Variants in GRK3 observed in about 807,000 individuals in gnomAD.
GRK3 encodes the protein G protein-coupled receptor kinase 3, also known as adrenergic, beta, receptor kinase 2.
A neutral mutation model predicts 95.7 loss-of-function variants in GRK3; 54 were observed. The ratio of observed to expected loss-of-function variants is 0.56; its 90% CI spans 0.45 to 0.71. GRK3 has a LOEUF of 0.71. Among genes scored for constraint, GRK3 ranks in the 30% least tolerant of loss-of-function variants. GRK3 has a pLI of 0.00. For synonymous variants in GRK3, 281 were observed against 290.8 expected (o/e 0.97, Z 0.34); for missense variants, 649 against 851.2 (o/e 0.76, Z 2.96).
At chr22:25,719,046 A>G (rs1470425021) in intron 19 of GRK3, among the ~76,000 whole-genome samples, 2 of 152,206 alleles carry the variant, frequency 1.3e-5, no homozygotes, top group African/African-American at 4.8e-5. Context: ...TATATCAGCA[A>G]CTTGAGCATC....
At chr22:25,612,220 C>G (rs1039530572) in intron 2 of GRK3, among the ~76,000 whole-genome samples, 1 of 152,050 alleles carries the variant, frequency 6.6e-6, no homozygotes, top group Non-Finnish European at 1.5e-5. Context: ...TGTTTTAGCT[C>G]TTATATCTTG....
At chr22:25,570,144 T>C (rs1050847854) in intron 1 of GRK3, among the ~76,000 whole-genome samples, 9 of 152,230 alleles carry the variant, frequency 5.9e-5, no homozygotes, top group Non-Finnish European at 1.2e-4. Context: ...CCTCAGAGAC[T>C]GATAGAGAAT....
chr22:25,683,806 C>G (rs1158616335), intron 9 of GRK3, among the ~76,000 whole-genome samples: 1 of 152,104 alleles, frequency 6.6e-6, no homozygotes, highest in African/African-American at 2.4e-5. Flanking sequence ...TATATCTTCT[C>G]CCATCCTGTG....
intron 6 of GRK3, among the ~76,000 whole-genome samples, chr22:25,669,861 G>C (rs1474046602): frequency 6.6e-6 from 1 of 152,206 alleles, no homozygotes; most frequent in Non-Finnish European, 1.5e-5. Flanking sequence ...CTGGACTCCA[G>C]AATCTGTGAG....
chr22:25,565,459 C>T (rs1377239103), intron 1 of GRK3, among the ~76,000 whole-genome samples: 1 of 152,052 alleles, frequency 6.6e-6, no homozygotes, highest in East Asian at 1.9e-4. Flanking sequence ...GTCGCCCCCT[C>T]CCCCCAGCCC....
At position 25,725,459 on chromosome 22, in the gene GRK3, C is replaced by T; in HGVS notation, c.*3009C>T. The T allele has an allele frequency of 2.5e-6, 1 of 397,990 alleles. No homozygotes were observed. Among genetic ancestry groups the T allele is most frequent in the Admixed American group, 4.4e-5 (1 of 22,704 alleles). 24.7% of individuals were successfully genotyped at this position (397,990 alleles called of 1,614,324 possible). ...GTGAATTCAGGTTTATTATTTTTAA[C>T]CTAAAACATTCTCTTTGGTTCATTC... is the stretch of plus-strand genomic sequence containing the variant. On this transcript the variant is annotated 3_prime_UTR_variant, in exon 21 of 21. Transcript: ENST00000324198.
At position 25,622,065 on chromosome 22, in the gene GRK3, T is replaced by A. The variant is rs1690489759; in HGVS notation, c.190+17612T>A. Reference sequence around the variant, plus strand: ...TTTCTTTAAACCCCTCCTCTCTTTGTCAAAATAGCAATAAGATCCCCAGCA... The same window carrying A: ...TTTCTTTAAACCCCTCCTCTCTTTGACAAAATAGCAATAAGATCCCCAGCA... On this transcript the variant is annotated intron_variant, in intron 2 of 20. Transcript: ENST00000324198. Among the ~76,000 whole-genome samples the A allele has an allele frequency of 2.6e-5, 4 of 152,096 alleles. No individual in the cohort carries two copies. The South Asian group carries it at 8.3e-4, about 32-fold the overall frequency.
intron 8 of GRK3, 43 bp from the exon 9 acceptor site, chr22:25,678,773 A>G (rs3730108): frequency 1.3e-4 from 160 of 1,195,994 alleles, no homozygotes; most frequent in Non-Finnish European, 1.9e-4. Context: ...ATTAGTCTAG[A>G]TATATTTACG....
chr22:25,647,457 C>T (rs1601499060), intron 3 of GRK3: 5 of 1,319,116 alleles, frequency 3.8e-6, no homozygotes, highest in Non-Finnish European at 4.4e-6. Flanking sequence ...GGAGGATCCT[C>T]AGGGGTAACA....
intron 13 of GRK3, among the ~76,000 whole-genome samples, chr22:25,697,456 G>A (rs974976188): frequency 3.3e-5 from 5 of 152,220 alleles, no homozygotes; most frequent in Admixed American, 2.0e-4. Context: ...GGCTCCTGCC[G>A]AAAAGAGTCT....
chr22:25,589,031 G>A (rs1011081157), intron 1 of GRK3, among the ~76,000 whole-genome samples: 2 of 152,020 alleles, frequency 1.3e-5, no homozygotes, highest in African/African-American at 2.4e-5. Context: ...TCAGCCTCCC[G>A]AAGAGCTGAG....
chr22:25,646,365 A>G (rs972869717), intron 3 of GRK3, among the ~76,000 whole-genome samples: 2 of 152,258 alleles, frequency 1.3e-5, no homozygotes, highest in African/African-American at 4.8e-5. Flanking sequence ...TATATTTGAA[A>G]TTAGAACTAA....
chr22:25,677,748 A>G (rs895092069), intron 8 of GRK3, among the ~76,000 whole-genome samples: 1 of 152,262 alleles, frequency 6.6e-6, no homozygotes, highest in Non-Finnish European at 1.5e-5. Context: ...TGAAGGAAGT[A>G]GTCCATCATC....
chr22:25,648,834 A>C (rs1357401587), intron 3 of GRK3: 1 of 1,132,676 alleles, frequency 8.8e-7, no homozygotes, highest in Non-Finnish European at 1.3e-6. Context: ...TCTTCTGTGC[A>C]AAATAGCAGA....
At chr22:25,642,083 A>G (rs1008108663) in intron 2 of GRK3, among the ~76,000 whole-genome samples, 2 of 152,242 alleles carry the variant, frequency 1.3e-5, no homozygotes, top group Non-Finnish European at 2.9e-5. Context: ...AAAAAGATGA[A>G]CAAATCTACA....
intron 11 of GRK3, among the ~76,000 whole-genome samples, chr22:25,689,447 T>C (rs374915682): frequency 1.6e-4 from 25 of 152,360 alleles, no homozygotes; most frequent in African/African-American, 5.5e-4. Flanking sequence ...TTCAGTTTTC[T>C]AATAGCATGC....
intron 2 of GRK3, among the ~76,000 whole-genome samples, chr22:25,617,721 G>A (rs1455090905): frequency 6.6e-6 from 1 of 152,146 alleles, no homozygotes; most frequent in Non-Finnish European, 1.5e-5. Context: ...TCTGATTTAT[G>A]TGGCTCAGCA....
In GRK3 at chr22:25,647,225, C is replaced by T. The variant is rs565351096; in HGVS notation, c.264+2560C>T. On this transcript the variant is annotated intron_variant, in intron 3 of 20. Transcript: ENST00000324198. ...CCACCACCCGGAGCTGCAGCAGCAG[C>T]GACTCATGAGAGCACAGCCAGAGGA... The T allele has an allele frequency of 5.5e-5, 21 of 380,714 alleles. 1 individual carries two copies. In the East Asian group the frequency reaches 7.6e-4, roughly 14 times the overall value. The allele number at this position is 380,714 out of a possible 1,614,324, so 23.6% of individuals were successfully genotyped here. A position where few individuals can be genotyped will look rare whatever the true frequency, so the allele number is the denominator to read the frequency against.
intron 1 of GRK3, among the ~76,000 whole-genome samples, chr22:25,591,352 C>A (rs1434137816): frequency 6.6e-6 from 1 of 152,142 alleles, no homozygotes; most frequent in Non-Finnish European, 1.5e-5. Flanking sequence ...GATGTGTTCA[C>A]CTGGAAGCTC....
Sources: gnomAD v4.1 joint callset for allele counts (sites outside exome capture counted in the v4.1 genomes callset) on GRCh38, gnomAD v4.1.1 for gene constraint, MANE v1.5 for transcripts, NCBI Gene and HGNC (gene_info 2026-07-23, HGNC 2026-07-21) for gene names.